Variants in KIF3A observed in about 807,000 individuals in gnomAD.
KIF3A encodes kinesin family member 3A.
Under a neutral mutation model 92.6 loss-of-function variants are expected in KIF3A, and 27 were observed. The observed-to-expected ratio is 0.29, with a 90% CI of 0.21 to 0.40. The LOEUF (loss-of-function observed/expected upper bound fraction) is 0.40, where lower values mean the gene tolerates loss of function less well. KIF3A is among the 10% of genes least tolerant of loss of function. The pLI, the probability that KIF3A is intolerant of heterozygous loss-of-function variation, is 1.00. For synonymous variants in KIF3A, 250 were observed against 275.4 expected, an observed-to-expected ratio of 0.91 and a Z score of 0.92; for missense variants, 581 against 872.6, an observed-to-expected ratio of 0.67 and a Z score of 4.21.
At chr5:132,713,898 T>C (rs867305988) in intron 8 of KIF3A, among the ~76,000 whole-genome samples, 26 of 122,870 alleles carry the variant, frequency 2.1e-4, no homozygotes, top group Admixed American at 6.8e-4. Context: ...TCTTTTTTTT[T>C]TTTTTTTTTT....
Position 132,700,561 on chromosome 5 carries a change from G to A in KIF3A, c.1938+86C>T, listed in dbSNP as rs576970157. 1.8e-5 allele frequency: 16 copies of A among 894,348 alleles called. No homozygotes were observed. The East Asian group carries it at 2.4e-4, about 13-fold the overall frequency. The allele number at this position is 894,348 out of a possible 1,614,324, so 55.4% of individuals were successfully genotyped here. On this transcript the variant is annotated intron_variant, in intron 16 of 18. Coordinates refer to ENST00000403231, the MANE Select transcript of KIF3A (RefSeq NM_001300791.2). ...TCATCTGATTCATCTACTGGACCAT[G>A]TTCCTCCCCACTGTAGCCAGCACAA...
In KIF3A at chr5:132,711,125, A is replaced by C. The variant is rs376845087; in HGVS notation, c.1130-68T>G. 7 of 1,416,772 alleles carry C rather than the reference A, an allele frequency of 4.9e-6. No homozygotes were observed. In the African/African-American group the frequency reaches 5.6e-5, roughly 11 times the overall value. 87.8% of individuals were successfully genotyped at this position (1,416,772 alleles called of 1,614,324 possible). On this transcript the variant is annotated intron_variant, in intron 8 of 18. Transcript: ENST00000403231. ...GTCATTAGCTATTTAGGAAATACCTATATCAGCTTTCTTCCTCAGATTTTT... is the reference window on the plus strand; with the variant it reads ...GTCATTAGCTATTTAGGAAATACCTCTATCAGCTTTCTTCCTCAGATTTTT...
At chr5:132,703,408 C>T in intron 12 of KIF3A, 55 bp downstream of exon 12, 2 of 1,454,030 alleles carry the variant, frequency 1.4e-6, no homozygotes, top group Non-Finnish European at 1.9e-6. Flanking sequence ...TTTATATATC[C>T]TAGGAAAAAA....
intron 4 of KIF3A, among the ~76,000 whole-genome samples, chr5:132,724,850 TATATATTAAA>T (rs1352830861): frequency 3.0e-4 from 8 of 26,284 alleles, no homozygotes; most frequent in African/African-American, 5.4e-4. Flanking sequence ...TATATATATA[TATATATTAAA>T]AAATCATTCT....
intron 4 of KIF3A, among the ~76,000 whole-genome samples, chr5:132,721,814 C>T (rs1359047352): frequency 3.9e-5 from 6 of 152,048 alleles, no homozygotes; most frequent in Admixed American, 2.0e-4. Context: ...GAGGCGGCCA[C>T]TGTAGGAGTT....
chr5:132,736,109 T>C (rs1754381299), intron 1 of KIF3A, among the ~76,000 whole-genome samples: 1 of 152,238 alleles, frequency 6.6e-6, no homozygotes, highest in South Asian at 2.1e-4. Context: ...CACCCTGCTC[T>C]CCCCTTCCTG....
rs759531324 is a variant in KIF3A at position 132,699,312 on chromosome 5, AAC to A, written c.2008-19_2008-18del. ...CTCAAAGGGCTAAGTAAAAGAAACAAACACAAAGCACTCTTAAGGCAAAGAGT... is the reference window on the plus strand; with the variant it reads ...CTCAAAGGGCTAAGTAAAAGAAACAAACAAAGCACTCTTAAGGCAAAGAGT... On this transcript the variant is annotated intron_variant, in intron 17 of 18. Coordinates refer to ENST00000403231, the MANE Select transcript of KIF3A (RefSeq NM_001300791.2). 69 of 1,611,498 alleles carry A rather than the reference AAC, an allele frequency of 4.3e-5. 1 individual carries two copies. The South Asian group carries it at 7.6e-4, about 18-fold the overall frequency.
At chr5:132,702,364 A>G in intron 14 of KIF3A, 152 bp from the exon 15 acceptor site, 1 of 760,612 alleles carries the variant, frequency 1.3e-6, no homozygotes, top group South Asian at 2.1e-5. Context: ...ATCAGCATCT[A>G]TTCTACACTA....
intron 1 of KIF3A, among the ~76,000 whole-genome samples, chr5:132,736,257 T>C (rs1443033814): frequency 3.9e-5 from 6 of 152,284 alleles, no homozygotes; most frequent in Non-Finnish European, 7.3e-5. Flanking sequence ...TAAAGAGCTT[T>C]TGAATTAGTT....
chr5:132,734,183 TA>T, intron 2 of KIF3A, 21 bp downstream of exon 2: 1 of 1,584,278 alleles, frequency 6.3e-7, no homozygotes, highest in South Asian at 1.2e-5. Flanking sequence ...GGGAGTTTTT[TA>T]AAAAGTAAAG....
chr5:132,730,855 C>G (rs1754205332), intron 2 of KIF3A, among the ~76,000 whole-genome samples: 1 of 152,084 alleles, frequency 6.6e-6, no homozygotes, highest in Non-Finnish European at 1.5e-5. Context: ...CCTGTAGCCT[C>G]AGCTACTGGG....
chr5:132,697,305 C>T (rs1159123650), intron 18 of KIF3A, among the ~76,000 whole-genome samples: 1 of 151,826 alleles, frequency 6.6e-6, no homozygotes, highest in Non-Finnish European at 1.5e-5. Flanking sequence ...TTCCAGTATA[C>T]AGAGATGGTG....
At chr5:132,713,280 G>T (rs905307662) in intron 8 of KIF3A, among the ~76,000 whole-genome samples, 1 of 152,054 alleles carries the variant, frequency 6.6e-6, no homozygotes, top group Admixed American at 6.6e-5. Flanking sequence ...AAGGAAAACT[G>T]GCCAAATTTG....
intron 4 of KIF3A, chr5:132,723,402 C>T (rs1021513829): frequency 2.4e-4 from 37 of 152,314 alleles, no homozygotes; most frequent in Middle Eastern, 3.4e-3. Context: ...TCAAACTATA[C>T]TACAAGGCTA....
chr5:132,703,017 C>T lies in KIF3A; in HGVS notation c.1515G>A (p.Lys505=). ...LLEKLSALEK[K]VIVGGVDLLA... ...ACAAGTCAACCCCACCAACAATTACCTTCTTTTCCAGGGCAGATAATTTTT... is the reference window on the plus strand; with the variant it reads ...ACAAGTCAACCCCACCAACAATTACTTTCTTTTCCAGGGCAGATAATTTTT... The change falls in exon 13 of 19, where the codon AAG becomes AAA. Residue 505 remains lysine, a synonymous_variant. Transcript: ENST00000403231. 1 of 1,612,598 alleles carries T rather than the reference C, an allele frequency of 6.2e-7. No individual in the cohort carries two copies. The highest frequency in any genetic ancestry group is 8.5e-7 in the Non-Finnish European group (1 of 1,179,618).
rs1752806556 is a variant in KIF3A, at chr5:132,695,597, A to T, written c.*1037T>A. The T allele has an allele frequency of 6.6e-6, 1 of 152,348 alleles. No homozygotes were observed. Among genetic ancestry groups the T allele is most frequent in the South Asian group, 2.1e-4 (1 of 4,832 alleles). 9.4% of individuals were successfully genotyped at this position (152,348 alleles called of 1,614,324 possible). A position where few individuals can be genotyped will look rare whatever the true frequency, so the allele number is the denominator to read the frequency against. On this transcript the variant is annotated 3_prime_UTR_variant, in exon 19 of 19. Coordinates refer to ENST00000403231, the MANE Select transcript of KIF3A (RefSeq NM_001300791.2). ...CAACATAGTTTTTATTTGTAGAGGA[A>T]TATGGTCTAACTGGATTACCCAATA...
chr5:132,709,803 A>C (rs1581074931), intron 9 of KIF3A, among the ~76,000 whole-genome samples: 1 of 152,212 alleles, frequency 6.6e-6, no homozygotes, highest in South Asian at 2.1e-4. Context: ...TGGCTGTTTT[A>C]ATAAAATTTT....
chr5:132,708,389 T>TTTA (rs1753297333), intron 10 of KIF3A, among the ~76,000 whole-genome samples: 2 of 152,198 alleles, frequency 1.3e-5, no homozygotes, highest in Admixed American at 1.3e-4. Context: ...TCATCTTTAC[T>TTTA]TGCTTCAAGC....
rs1251688724 is a variant in KIF3A, at chr5:132,695,535, A to T, written c.*1099T>A. On this transcript the variant is annotated 3_prime_UTR_variant, in exon 19 of 19. Coordinates refer to ENST00000403231, the MANE Select transcript of KIF3A (RefSeq NM_001300791.2). ...CATAAGCAGCTAACAACAGAAAAAA[A>T]TAATTATCTCTATTACAACTTACTT... 1 of 152,514 alleles carries T rather than the reference A, an allele frequency of 6.6e-6. No homozygotes were observed. The highest frequency in any genetic ancestry group is 1.5e-5 in the Non-Finnish European group (1 of 68,044). 9.4% of individuals were successfully genotyped at this position (152,514 alleles called of 1,614,324 possible). A position where few individuals can be genotyped will look rare whatever the true frequency, so the allele number is the denominator to read the frequency against.
Sources: allele counts gnomAD v4.1 joint callset (sites outside exome capture counted in the v4.1 genomes callset), GRCh38; gene constraint gnomAD v4.1.1; transcripts MANE v1.5; gene names NCBI Gene and HGNC (gene_info 2026-07-23, HGNC 2026-07-21).